ASCC1: variants seen among roughly 807,000 people sequenced by gnomAD.
ASCC1 encodes activating signal cointegrator 1 complex subunit 1, also known as ASC-1 complex subunit P50.
A neutral mutation model predicts 46.6 loss-of-function variants in ASCC1; 35 were observed. The ratio of observed to expected loss-of-function variants is 0.75; its 90% CI spans 0.57 to 0.99. The LOEUF (loss-of-function observed/expected upper bound fraction) is 0.99, where lower values mean the gene tolerates loss of function less well. Ranked by LOEUF, ASCC1 falls within the 50% of genes least tolerant of loss-of-function variation. The pLI, the probability that ASCC1 is intolerant of heterozygous loss-of-function variation, is 0.00. For synonymous variants in ASCC1, 143 were observed against 146.6 expected (o/e 0.98, Z 0.18); for missense variants, 376 against 428.7 (o/e 0.88, Z 1.09).
intron 9 of ASCC1, among the ~76,000 whole-genome samples, chr10:72,099,649 C>A (rs981323826): frequency 6.6e-6 from 1 of 152,134 alleles, no homozygotes; most frequent in Non-Finnish European, 1.5e-5. Flanking sequence ...GGAGAAACCC[C>A]GTCTCTACTA....
At chr10:72,150,011 C>T (rs574403756) in intron 7 of ASCC1, among the ~76,000 whole-genome samples, 1 of 152,056 alleles carries the variant, frequency 6.6e-6, no homozygotes, top group African/African-American at 2.4e-5. Context: ...TATGGTGAAA[C>T]CCGTCTCTAC....
At chr10:72,173,539 C>T (rs762487921) in intron 5 of ASCC1, among the ~76,000 whole-genome samples, 3 of 152,110 alleles carry the variant, frequency 2.0e-5, no homozygotes, top group Non-Finnish European at 4.4e-5. Context: ...TCAAATAATC[C>T]TTAACTCTAC....
Position 72,097,352 on chromosome 10 carries a change from T to C in ASCC1, c.1056A>G (p.Gly352=). The change falls in exon 10 of 10, where the codon GGA becomes GGG. Residue 352 remains glycine (G), a synonymous_variant. Transcript: ENST00000672957. ...ATCCACCTCAGGAGAAGTCAATTTG[T>C]CCACAGGAAGCGTAGTTTCCAAAGC... ...VDSFGNYASC[G]QIDFS 6.2e-7 allele frequency: 1 copy of C among 1,611,948 alleles called. No individual in the cohort carries two copies. Among genetic ancestry groups the C allele is most frequent in the Non-Finnish European group, 8.5e-7 (1 of 1,178,100 alleles).
intron 7 of ASCC1, 154 bp from the exon 8 acceptor site, chr10:72,133,335 C>A: frequency 1.4e-6 from 1 of 711,852 alleles, no homozygotes; most frequent in Non-Finnish European, 2.5e-6. Context: ...CATCTCCCAC[C>A]ATCATGGAGC....
intron 5 of ASCC1, among the ~76,000 whole-genome samples, chr10:72,169,956 C>A (rs1363070170): frequency 5.9e-5 from 9 of 152,090 alleles, no homozygotes; most frequent in Non-Finnish European, 1.3e-4. Flanking sequence ...CCCGTCTCTA[C>A]TAAAAACACA....
chr10:72,122,062 A>G (rs1844267397), intron 9 of ASCC1, among the ~76,000 whole-genome samples: 1 of 152,252 alleles, frequency 6.6e-6, no homozygotes, highest in African/African-American at 2.4e-5. Context: ...CTCAGGCCAC[A>G]ATGAAATTAA....
chr10:72,161,681 T>C lies in ASCC1; in HGVS notation c.490-7A>G. On this transcript the variant is annotated splice_region_variant and splice_polypyrimidine_tract_variant and intron_variant, in intron 5 of 9. Transcript: ENST00000672957. ...TGCTGTCAACCCCATGATCCTGTTA[T>C]CAAAGAGAGAAAAACAAGAAACTCA... is the stretch of plus-strand genomic sequence containing the variant. The C allele has an allele frequency of 1.2e-6, 2 of 1,614,018 alleles. No individual in the cohort carries two copies. The highest frequency in any genetic ancestry group is 1.7e-6 in the Non-Finnish European group (2 of 1,180,024).
At chr10:72,208,705 A>G (rs776049975) in intron 3 of ASCC1, among the ~76,000 whole-genome samples, 2 of 152,176 alleles carry the variant, frequency 1.3e-5, no homozygotes, top group Admixed American at 6.6e-5. Context: ...GGTTGCAGTG[A>G]GCCAAGATCA....
chr10:72,113,738 A>T (rs1196583923), intron 9 of ASCC1, among the ~76,000 whole-genome samples: 1 of 152,226 alleles, frequency 6.6e-6, no homozygotes, highest in African/African-American at 2.4e-5. Flanking sequence ...ATCACCTGTC[A>T]GAAGTCTTTC....
rs765393079 is a variant in ASCC1 at position 72,161,665 on chromosome 10, C to T, written c.499G>A (p.Val167Ile). The T allele has an allele frequency of 5.0e-6, 8 of 1,614,150 alleles. No individual in the cohort carries two copies. The highest frequency in any genetic ancestry group is 6.8e-6 in the Non-Finnish European group (8 of 1,180,038). Residue 167 changes from valine (V) to isoleucine (I), a missense_variant, in exon 6 of 10, where the codon GTT becomes ATT. Coordinates refer to ENST00000672957, the MANE Select transcript of ASCC1 (RefSeq NM_001198800.3). ...GGATTCTGGAAAATGCTGCTGTCAA[C>T]CCCATGATCCTGTTATCAAAGAGAG... Reference protein sequence around the residue: ...VLAKCSMDHGVDSSIFQNPKK... With the variant: ...VLAKCSMDHGIDSSIFQNPKK...
intron 9 of ASCC1, among the ~76,000 whole-genome samples, chr10:72,104,040 G>A (rs1267034297): frequency 6.6e-6 from 1 of 152,102 alleles, no homozygotes; most frequent in Non-Finnish European, 1.5e-5. Context: ...TTTTGTTACA[G>A]GGGCCTCAGC....
chr10:72,125,248 T>TC (rs910602690), intron 9 of ASCC1, among the ~76,000 whole-genome samples: 6 of 142,622 alleles, frequency 4.2e-5, no homozygotes, highest in African/African-American at 1.8e-4. Flanking sequence ...ATGAAGTTGA[T>TC]TTTTTTTTTC....
At chr10:72,148,255 C>A (rs1847877120) in intron 7 of ASCC1, among the ~76,000 whole-genome samples, 1 of 152,030 alleles carries the variant, frequency 6.6e-6, no homozygotes, top group South Asian at 2.1e-4. Flanking sequence ...CCAGTTCAAG[C>A]TGTGTTCCTT....
chr10:72,096,508 A>G lies in ASCC1; in HGVS notation c.*826T>C, dbSNP rs1319896587. ...GGACAAACTTTGGTAGGAAAATGAT[A>G]GACCAAGCAAAGTAAAAGGCAAACA... On this transcript the variant is annotated 3_prime_UTR_variant, in exon 10 of 10. Transcript: ENST00000672957. 3 of 454,056 alleles carry G rather than the reference A, an allele frequency of 6.6e-6. No homozygotes were observed. Among genetic ancestry groups the G allele is most frequent in the African/African-American group, 2.0e-5 (1 of 50,022 alleles). The allele number at this position is 454,056 out of a possible 1,614,324, so 28.1% of individuals were successfully genotyped here.
At chr10:72,187,827 T>A (rs768726657) in intron 5 of ASCC1, among the ~76,000 whole-genome samples, 25 of 141,756 alleles carry the variant, frequency 1.8e-4, no homozygotes, top group African/African-American at 6.5e-4. Flanking sequence ...GTGGTGGGCA[T>A]CTGTAGTCCC....
At chr10:72,191,362 G>A (rs1231243596) in intron 5 of ASCC1, among the ~76,000 whole-genome samples, 1 of 151,462 alleles carries the variant, frequency 6.6e-6, no homozygotes, top group Non-Finnish European at 1.5e-5. Flanking sequence ...ACCGCGCCTG[G>A]CTGTTGTATC....
chr10:72,170,034 T>G (rs1235825294), intron 5 of ASCC1, among the ~76,000 whole-genome samples: 2 of 151,834 alleles, frequency 1.3e-5, no homozygotes, highest in African/African-American at 4.8e-5. Flanking sequence ...GCAGGAGAAT[T>G]GCTTGAACCC....
chr10:72,121,340 C>T (rs2132139455), intron 9 of ASCC1, among the ~76,000 whole-genome samples: 1 of 151,388 alleles, frequency 6.6e-6, no homozygotes, highest in Non-Finnish European at 1.5e-5. Context: ...AGACAGGGTC[C>T]CACTGTGTTG....
intron 4 of ASCC1, among the ~76,000 whole-genome samples, chr10:72,202,837 A>G (rs1856678939): frequency 6.6e-6 from 1 of 152,204 alleles, no homozygotes; most frequent in Admixed American, 6.6e-5. Flanking sequence ...TTACCAAAGC[A>G]TGAAAAGAAA....
Sources: allele counts gnomAD v4.1 joint callset (sites outside exome capture counted in the v4.1 genomes callset), GRCh38; gene constraint gnomAD v4.1.1; transcripts MANE v1.5; gene names NCBI Gene and HGNC (gene_info 2026-07-23, HGNC 2026-07-21).